The following CLVS1 variants were observed in gnomAD, a reference collection of about 807,000 sequenced individuals.
CLVS1 encodes the protein clavesin-1.
Under a neutral mutation model 33.1 loss-of-function variants are expected in CLVS1, and 10 were observed. The ratio of observed to expected loss-of-function variants is 0.30; its 90% confidence interval spans 0.19 to 0.51. CLVS1 has a LOEUF of 0.51. Among genes scored for constraint, CLVS1 ranks in the 20% least tolerant of loss-of-function variants. CLVS1 has a pLI of 0.97. For synonymous variants in CLVS1, 163 were observed against 166.1 expected, an observed-to-expected ratio of 0.98 and a Z score of 0.14; for missense variants, 343 against 433.4, an observed-to-expected ratio of 0.79 and a Z score of 1.85.
At chr8:61,240,040 G>A (rs975203802) in intron 2 of CLVS1, among the ~76,000 whole-genome samples, 9 of 152,134 alleles carry the variant, frequency 5.9e-5, no homozygotes, top group African/African-American at 2.2e-4. Context: ...ATACAACTGG[G>A]ATTTGTTTTT....
chr8:61,239,922 T>C (rs1316422347), intron 2 of CLVS1, among the ~76,000 whole-genome samples: 4 of 152,154 alleles, frequency 2.6e-5, no homozygotes, highest in South Asian at 2.1e-4. Flanking sequence ...GTGGGTACCA[T>C]GCCCTGGGTA....
At chr8:61,123,498 T>G (rs1237388103) in intron 1 of CLVS1, among the ~76,000 whole-genome samples, 1 of 152,220 alleles carries the variant, frequency 6.6e-6, no homozygotes, top group African/African-American at 2.4e-5. Flanking sequence ...GTTCAAATTG[T>G]TCTCCAAATT....
In CLVS1 at chr8:61,462,409, G is replaced by A. The variant is rs564967082; in HGVS notation, c.977+3867G>A. Among the ~76,000 whole-genome samples the A allele has an allele frequency of 3.3e-5, 5 of 152,256 alleles. No individual in the cohort carries two copies. The South Asian group carries it at 8.3e-4, about 25-fold the overall frequency. The stretch of plus-strand genomic sequence containing the variant: ...GTTTTGTTTTGTTTTTTTGAGACTG[G>A]AGTCTTGCTCTGTCACACAGGCTGG... On this transcript the variant is annotated intron_variant, in intron 5 of 5. Coordinates refer to ENST00000325897, the MANE Select transcript of CLVS1 (RefSeq NM_173519.3).
intron 3 of CLVS1, among the ~76,000 whole-genome samples, chr8:61,396,105 G>C (rs567665283): frequency 3.4e-4 from 51 of 151,946 alleles, no homozygotes; most frequent in Admixed American, 2.9e-3. Context: ...ATTTTAAAAC[G>C]TTCCATCCTT....
intron 2 of CLVS1, among the ~76,000 whole-genome samples, chr8:61,234,779 T>C (rs1158966233): frequency 6.6e-6 from 1 of 152,152 alleles, no homozygotes; most frequent in Non-Finnish European, 1.5e-5. Flanking sequence ...CTAGCAGATA[T>C]GGATCTCCGC....
intron 2 of CLVS1, among the ~76,000 whole-genome samples, chr8:61,310,182 G>A (rs1810784847): frequency 6.6e-6 from 1 of 152,152 alleles, no homozygotes; most frequent in African/African-American, 2.4e-5. Flanking sequence ...GAATCTTTCT[G>A]GTGATGATCA....
intron 5 of CLVS1, among the ~76,000 whole-genome samples, chr8:61,475,067 A>C (rs1026056494): frequency 6.6e-6 from 1 of 152,052 alleles, no homozygotes; most frequent in Non-Finnish European, 1.5e-5. Flanking sequence ...TGTCCTTGTG[A>C]TACTTTGCTG....
intron 1 of CLVS1, among the ~76,000 whole-genome samples, chr8:61,077,441 GTATTATTATTAT>G (rs57149995): frequency 0.068 from 9,378 of 138,244 alleles, 373 homozygotes; most frequent in East Asian, 0.1. Context: ...CCCTCTAAAA[GTATTATTATTAT>G]TATTATTATT....
chr8:60,966,588 C>G, the CLVS1 span: 1 of 249,568 alleles, frequency 4.0e-6, no homozygotes, highest in African/African-American at 2.2e-5. Context: ...TCCTACATAT[C>G]TTTCTGGGTC....
At chr8:61,137,122 A>G (rs771811840) in intron 2 of CLVS1, among the ~76,000 whole-genome samples, 115 of 152,226 alleles carry the variant, frequency 7.6e-4, no homozygotes, top group Non-Finnish European at 1.4e-3. Context: ...AGAGCTATGC[A>G]GCGTGCTGCA....
intron 2 of CLVS1, among the ~76,000 whole-genome samples, chr8:61,350,004 C>T (rs981288202): frequency 6.6e-6 from 1 of 152,038 alleles, no homozygotes; most frequent in Non-Finnish European, 1.5e-5. Flanking sequence ...TAGACTAATA[C>T]ATGTATGGAG....
At chr8:61,364,984 A>T (rs768537728) in intron 2 of CLVS1, among the ~76,000 whole-genome samples, 25 of 152,196 alleles carry the variant, frequency 1.6e-4, no homozygotes, top group Non-Finnish European at 3.4e-4. Flanking sequence ...AGAGTTTATG[A>T]TTTCAGAAAG....
upstream of CLVS1, among the ~76,000 whole-genome samples, chr8:61,283,536 A>C (rs1809717400): frequency 1.3e-5 from 2 of 152,228 alleles, no homozygotes; most frequent in Non-Finnish European, 2.9e-5. Context: ...GGTTATGAGT[A>C]GAATGATGTA....
intron 2 of CLVS1, among the ~76,000 whole-genome samples, chr8:61,168,253 A>G (rs1243169796): frequency 6.6e-6 from 1 of 152,192 alleles, no homozygotes; most frequent in Non-Finnish European, 1.5e-5. Flanking sequence ...AGCCAAGTCT[A>G]TATGTTTTAC....
chr8:61,232,820 C>G (rs10088896), intron 2 of CLVS1, among the ~76,000 whole-genome samples: 1 of 151,990 alleles, frequency 6.6e-6, no homozygotes, highest in Non-Finnish European at 1.5e-5. Flanking sequence ...GTTGGACAAA[C>G]GGCAACAGTA....
At chr8:61,164,256 C>G (rs1806811260) in intron 2 of CLVS1, among the ~76,000 whole-genome samples, 1 of 152,174 alleles carries the variant, frequency 6.6e-6, no homozygotes, top group Admixed American at 6.5e-5. Context: ...CCAGCTAGTC[C>G]TGTCTCTCAT....
the CLVS1 span, among the ~76,000 whole-genome samples, chr8:61,012,918 G>A: frequency 1.3e-5 from 2 of 152,164 alleles, no homozygotes; most frequent in African/African-American, 2.4e-5. Context: ...TGTGCTCATC[G>A]TGGCTCAGGA....
intron 2 of CLVS1, among the ~76,000 whole-genome samples, chr8:61,275,521 G>T (rs549158565): frequency 2.0e-5 from 3 of 152,152 alleles, no homozygotes; most frequent in Non-Finnish European, 4.4e-5. Context: ...AAAAATTTAG[G>T]TCGTTAATAT....
At chr8:61,004,213 G>A in the CLVS1 span, among the ~76,000 whole-genome samples, 1 of 152,268 alleles carries the variant, frequency 6.6e-6, no homozygotes, top group Non-Finnish European at 1.5e-5. Flanking sequence ...AAAGCCTCGG[G>A]TGGGTGTTTC....
Sources: gnomAD v4.1 joint callset for allele counts (sites outside exome capture counted in the v4.1 genomes callset) on GRCh38, gnomAD v4.1.1 for gene constraint, MANE v1.5 for transcripts, NCBI Gene and HGNC (gene_info 2026-07-23, HGNC 2026-07-21) for gene names.